ERI3: variants seen among roughly 807,000 people sequenced by gnomAD.
The protein encoded by ERI3 is ERI1 exoribonuclease 3.
ERI3 carries 18 observed loss-of-function variants against 44.4 expected under a neutral mutation model. The observed-to-expected ratio is 0.41, with a 90% confidence interval of 0.28 to 0.60. The LOEUF is 0.60. ERI3 is among the 20% of genes least tolerant of loss of function. ERI3 has a pLI of 0.36. For synonymous variants in ERI3, 183 were observed against 164.8 expected (o/e 1.11, Z -0.84); for missense variants, 294 against 435.5 (o/e 0.68, Z 2.89).
chr1:44,232,065 G>A (rs149320374), intron 8 of ERI3, among the ~76,000 whole-genome samples: 2 of 152,252 alleles, frequency 1.3e-5, no homozygotes, highest in East Asian at 1.9e-4. Flanking sequence ...TGAATTAACC[G>A]ACCTTAGGAT....
At chr1:44,261,496 G>C (rs1303660515) in intron 7 of ERI3, among the ~76,000 whole-genome samples, 1 of 152,246 alleles carries the variant, frequency 6.6e-6, no homozygotes, top group South Asian at 2.1e-4. Context: ...AGACAGAAGA[G>C]AGAGAAAGAG....
intron 3 of ERI3, among the ~76,000 whole-genome samples, chr1:44,334,352 T>A (rs1214834897): frequency 6.6e-6 from 1 of 152,158 alleles, no homozygotes; most frequent in Non-Finnish European, 1.5e-5. Flanking sequence ...TTCAGGCTGC[T>A]CTCTGGGCCT....
At chr1:44,290,258 G>C (rs1038057344) in intron 6 of ERI3, among the ~76,000 whole-genome samples, 4 of 152,198 alleles carry the variant, frequency 2.6e-5, no homozygotes, top group East Asian at 1.9e-4. Context: ...GCAGAAATGG[G>C]GGAGTATGGA....
Position 44,235,587 on chromosome 1 carries a change from C to T in ERI3, c.931+12352G>A, listed in dbSNP as rs561446092. 4.6e-5 allele frequency among the ~76,000 whole-genome samples: 7 copies of T among 152,328 alleles called. No homozygotes were observed. Among genetic ancestry groups the T allele is most frequent in the Admixed American group, 2.6e-4 (4 of 15,312 alleles). On this transcript the variant is annotated intron_variant, in intron 8 of 8. Coordinates refer to ENST00000372257, the MANE Select transcript of ERI3 (RefSeq NM_024066.3). This position sits in a 1 kb window ranked among gnomAD's most constrained non-coding sequence, Gnocchi z 4.6. Reference sequence around the variant, plus strand: ...GAAAAGAAAGAGGGGCAAGATCACACGCAAACCTACTCCAGCCCTGACATT... The same window carrying T: ...GAAAAGAAAGAGGGGCAAGATCACATGCAAACCTACTCCAGCCCTGACATT...
intron 2 of ERI3, among the ~76,000 whole-genome samples, chr1:44,346,210 A>C (rs1461196205): frequency 6.6e-6 from 1 of 152,076 alleles, no homozygotes; most frequent in African/African-American, 2.4e-5. Flanking sequence ...AGCTATGGAG[A>C]GCTCCCCCAA....
In ERI3 at chr1:44,262,630, TG is replaced by T. The variant is rs1366751890; in HGVS notation, c.832-14593del. 2.0e-5 allele frequency among the ~76,000 whole-genome samples: 3 copies of T among 152,178 alleles called. No homozygotes were observed. In the East Asian group the frequency reaches 5.8e-4, roughly 29 times the overall value. On this transcript the variant is annotated intron_variant, in intron 7 of 8. Coordinates refer to ENST00000372257, the MANE Select transcript of ERI3 (RefSeq NM_024066.3). Reference sequence around the variant, plus strand: ...GTGGCAGGCGCAGGGTCAGTGGGGATGGCACAGGCAGAGGGAAGATCTGCCC... The same window carrying T: ...GTGGCAGGCGCAGGGTCAGTGGGGATGCACAGGCAGAGGGAAGATCTGCCC...
At position 44,281,601 on chromosome 1, in the gene ERI3, A is replaced by AAT. The variant is rs1553189558; in HGVS notation, c.831+3232_831+3233dup. On this transcript the variant is annotated intron_variant, in intron 7 of 8. Coordinates refer to ENST00000372257, the MANE Select transcript of ERI3 (RefSeq NM_024066.3). ...AGACCCCGTCTCGAAAAAAAAAAAA[A>AAT]ATATATATATATATATATAATATAT... Among the ~76,000 whole-genome samples the AAT allele has an allele frequency of 9.7e-3, 1,246 of 127,956 alleles. 14 individuals carry two copies. Among genetic ancestry groups the AAT allele is most frequent in the Admixed American group, 0.012 (154 of 12,572 alleles). 83.9% of individuals were successfully genotyped at this position (127,956 alleles called of 152,430 possible).
At chr1:44,300,890 G>C (rs920548887) in intron 6 of ERI3, among the ~76,000 whole-genome samples, 14 of 152,184 alleles carry the variant, frequency 9.2e-5, no homozygotes, top group African/African-American at 3.4e-4. Context: ...GAGCGTGGCA[G>C]GCTGCACTGC....
intron 3 of ERI3, among the ~76,000 whole-genome samples, chr1:44,337,391 A>G (rs754705427): frequency 2.7e-4 from 41 of 152,258 alleles, no homozygotes; most frequent in South Asian, 4.1e-4. Flanking sequence ...CTAATTCCCA[A>G]CATGGGAGAA....
chr1:44,293,546 C>A (rs34471010), intron 6 of ERI3, among the ~76,000 whole-genome samples: 1 of 151,948 alleles, frequency 6.6e-6, no homozygotes, highest in Non-Finnish European at 1.5e-5. Flanking sequence ...CAGATCCAGG[C>A]GAGGTGGGGT....
At chr1:44,292,743 C>T (rs1358209087) in intron 6 of ERI3, among the ~76,000 whole-genome samples, 1 of 152,206 alleles carries the variant, frequency 6.6e-6, no homozygotes, top group Non-Finnish European at 1.5e-5. Context: ...CCCACACTTG[C>T]CCCCTTCCTC....
chr1:44,285,004 A>C, intron 6 of ERI3, 97 bp from the exon 7 acceptor site: 1 of 1,025,896 alleles, frequency 9.7e-7, no homozygotes. Flanking sequence ...CAAGACAAAC[A>C]GACCTCAAAA....
chr1:44,221,488 G>T lies in ERI3; in HGVS notation c.*70C>A. 1.6e-6 allele frequency: 2 copies of T among 1,236,232 alleles called. No individual in the cohort carries two copies. Among genetic ancestry groups the T allele is most frequent in the Non-Finnish European group, 2.4e-6 (2 of 838,896 alleles). 76.6% of individuals were successfully genotyped at this position (1,236,232 alleles called of 1,614,324 possible). A position where few individuals can be genotyped will look rare whatever the true frequency, so the allele number is the denominator to read the frequency against. The stretch of plus-strand genomic sequence containing the variant: ...ATGCCACTCTCCCTCTTCCCCTCTG[G>T]TGAGGGAGAGGAGGATTCTGGGCTG... On this transcript the variant is annotated 3_prime_UTR_variant, in exon 9 of 9. Coordinates refer to ENST00000372257, the MANE Select transcript of ERI3 (RefSeq NM_024066.3). This position sits in a 1 kb window ranked among gnomAD's most constrained non-coding sequence, Gnocchi z 5.9.
Position 44,310,963 on chromosome 1 carries a change from G to GCA in ERI3, c.666+2204_666+2205dup, listed in dbSNP as rs58344074. On this transcript the variant is annotated intron_variant, in intron 5 of 8. Transcript: ENST00000372257. ...ATGTATGTGCACATCGCGCGCGCGC[G>GCA]CACACACACACACACACACACACAC... is the stretch of plus-strand genomic sequence containing the variant. Among the ~76,000 whole-genome samples, 143 of 123,214 alleles carry GCA rather than the reference G, an allele frequency of 1.2e-3. 1 individual carries two copies. Among genetic ancestry groups the GCA allele is most frequent in the Non-Finnish European group, 9.1e-4 (54 of 59,130 alleles). The allele number at this position is 123,214 out of a possible 152,430, so 80.8% of individuals were successfully genotyped here.
At chr1:44,295,824 C>G (rs1307019303) in intron 6 of ERI3, among the ~76,000 whole-genome samples, 1 of 152,164 alleles carries the variant, frequency 6.6e-6, no homozygotes, top group Non-Finnish European at 1.5e-5. Context: ...AGCTTCCAAA[C>G]CCTGTGTGTG....
intron 6 of ERI3, among the ~76,000 whole-genome samples, chr1:44,297,675 G>A (rs992804394): frequency 6.6e-6 from 1 of 152,188 alleles, no homozygotes; most frequent in African/African-American, 2.4e-5. Context: ...GCCTGGATCT[G>A]CATAGCATCT....
At chr1:44,330,354 G>C (rs1646403715) in intron 3 of ERI3, among the ~76,000 whole-genome samples, 1 of 152,192 alleles carries the variant, frequency 6.6e-6, no homozygotes, top group African/African-American at 2.4e-5. Context: ...AGCCACTTGT[G>C]TATCAGACCT....
intron 8 of ERI3, 120 bp downstream of exon 8, chr1:44,247,819 G>C: frequency 1.4e-6 from 1 of 704,108 alleles, no homozygotes; most frequent in Non-Finnish European, 2.3e-6. Context: ...CCCCACCTAT[G>C]TAGAGAGCCC....
At chr1:44,340,692 T>C (rs1646636285) in intron 2 of ERI3, among the ~76,000 whole-genome samples, 2 of 152,198 alleles carry the variant, frequency 1.3e-5, no homozygotes, top group South Asian at 4.1e-4. Context: ...CCTATCCCTA[T>C]AATGAGATTT....
Sources: allele counts gnomAD v4.1 joint callset (sites outside exome capture counted in the v4.1 genomes callset), GRCh38; gene constraint gnomAD v4.1.1; non-coding constraint Gnocchi (gnomAD v3.1); transcripts MANE v1.5; gene names NCBI Gene and HGNC (gene_info 2026-07-23, HGNC 2026-07-21).